ZSWIM5: variants seen among roughly 807,000 people sequenced by gnomAD.
ZSWIM5 encodes the protein zinc finger SWIM-type containing 5.
In ZSWIM5, 55 loss-of-function variants were observed where a neutral mutation model predicts 119.6. That is an observed-to-expected ratio of 0.46 (90% CI 0.37 to 0.58). The LOEUF is 0.58. ZSWIM5 is among the 20% of genes least tolerant of loss of function. ZSWIM5 has a pLI of 0.00. For synonymous variants in ZSWIM5, 537 were observed against 606.9 expected (o/e 0.88, Z 1.69); for missense variants, 1,193 against 1,512.8 (o/e 0.79, Z 3.51).
chr1:45,083,660 G>A (rs993824679), intron 2 of ZSWIM5, among the ~76,000 whole-genome samples: 20 of 152,116 alleles, frequency 1.3e-4, no homozygotes, highest in Non-Finnish European at 2.2e-4. Flanking sequence ...CCACCCACCT[G>A]GTCTCATTGC....
chr1:45,202,153 T>G (rs998342785), intron 1 of ZSWIM5, among the ~76,000 whole-genome samples: 1 of 152,114 alleles, frequency 6.6e-6, no homozygotes, highest in African/African-American at 2.4e-5. Context: ...TAAAGTTATT[T>G]TTCTCCACAT....
chr1:45,135,587 C>T (rs936670136), intron 1 of ZSWIM5, among the ~76,000 whole-genome samples: 3 of 152,158 alleles, frequency 2.0e-5, no homozygotes, highest in South Asian at 2.1e-4. Context: ...TATACTCTGA[C>T]ATTTCTTGAT....
chr1:45,201,201 G>A lies in ZSWIM5; in HGVS notation c.595+4555C>T, dbSNP rs559848488. Among the ~76,000 whole-genome samples the A allele has an allele frequency of 2.0e-5, 3 of 152,296 alleles. No individual in the cohort carries two copies. In the South Asian group the frequency reaches 6.2e-4, roughly 32 times the overall value. On this transcript the variant is annotated intron_variant, in intron 1 of 13. Coordinates refer to ENST00000359600, the MANE Select transcript of ZSWIM5 (RefSeq NM_020883.2). The stretch of plus-strand genomic sequence containing the variant: ...GCAAGAGGCAACAAAGGATTCCCCT[G>A]TAGGTTGCAGAAGGAGCATAGCACT...
intron 1 of ZSWIM5, among the ~76,000 whole-genome samples, chr1:45,163,243 C>A (rs1250755792): frequency 2.6e-5 from 4 of 152,176 alleles, no homozygotes; most frequent in Non-Finnish European, 1.5e-5. Flanking sequence ...CTCCAACAGA[C>A]CTGCAGCTGA....
intron 6 of ZSWIM5, among the ~76,000 whole-genome samples, chr1:45,042,951 A>G (rs1457672735): frequency 2.0e-5 from 3 of 152,208 alleles, no homozygotes; most frequent in Non-Finnish European, 4.4e-5. Context: ...TGCTTTGTTA[A>G]TGCTCTTTGA....
At chr1:45,032,533 CAGG>C (rs1644959289) in intron 11 of ZSWIM5, among the ~76,000 whole-genome samples, 1 of 148,010 alleles carries the variant, frequency 6.8e-6, no homozygotes, top group African/African-American at 2.5e-5. Flanking sequence ...GTCACCCAGG[CAGG>C]AGTTCAGTGG....
intron 11 of ZSWIM5, among the ~76,000 whole-genome samples, chr1:45,024,031 T>C (rs755576585): frequency 2.6e-5 from 4 of 152,190 alleles, no homozygotes; most frequent in Non-Finnish European, 4.4e-5. Context: ...TCTCTCCAGA[T>C]CTTTAGCCCA....
chr1:45,048,435 A>G (rs115219214), intron 5 of ZSWIM5, among the ~76,000 whole-genome samples: 1,977 of 152,260 alleles, frequency 0.013, 40 homozygotes, highest in African/African-American at 0.045. Context: ...CAGTGTATCA[A>G]AGACAAAGAG....
At chr1:45,132,858 T>C (rs1645666443) in intron 1 of ZSWIM5, among the ~76,000 whole-genome samples, 1 of 152,088 alleles carries the variant, frequency 6.6e-6, no homozygotes, top group Admixed American at 6.6e-5. Context: ...TGAGAACATG[T>C]GGTGTTTGGT....
Position 45,199,073 on chromosome 1 carries a change from C to T in ZSWIM5, c.595+6683G>A, listed in dbSNP as rs141801855. 8.8e-3 allele frequency among the ~76,000 whole-genome samples: 1,337 copies of T among 152,174 alleles called. 8 individuals are homozygous for T. Among genetic ancestry groups the T allele is most frequent in the Middle Eastern group, 0.024 (7 of 294 alleles). ...TTGCATTCATGCCATACATTACATA[C>T]CAGCAATGTATGAGAGTTCCAGTTA... On this transcript the variant is annotated intron_variant, in intron 1 of 13. Transcript: ENST00000359600.
chr1:45,063,056 A>C (rs1445167628), intron 2 of ZSWIM5, among the ~76,000 whole-genome samples: 1 of 152,130 alleles, frequency 6.6e-6, no homozygotes, highest in Non-Finnish European at 1.5e-5. Flanking sequence ...TCCCACTTAT[A>C]AGTGAGAACA....
At chr1:45,164,180 A>G (rs1302204433) in intron 1 of ZSWIM5, among the ~76,000 whole-genome samples, 1 of 152,206 alleles carries the variant, frequency 6.6e-6, no homozygotes, top group South Asian at 2.1e-4. Context: ...ATTCTTAAAG[A>G]AAAGAATTTT....
Position 45,019,919 on chromosome 1 carries a change from C to A in ZSWIM5, c.2695+147G>T, listed in dbSNP as rs1644876453. ...GCTGAACAGAGGCCACCTTCTCCTA[C>A]CAGCAGCCCCATCCTTTCTTAGGCC... On this transcript the variant is annotated intron_variant, in intron 13 of 13. Transcript: ENST00000359600. The surrounding 1 kb of genome is among the most constrained non-coding windows in gnomAD (Gnocchi z 5.0). 7.3e-6 allele frequency: 5 copies of A among 686,266 alleles called. No individual in the cohort carries two copies. In the Admixed American group the frequency reaches 1.1e-4, roughly 15 times the overall value. 42.5% of individuals were successfully genotyped at this position (686,266 alleles called of 1,614,324 possible). A position where few individuals can be genotyped will look rare whatever the true frequency, so the allele number is the denominator to read the frequency against.
chr1:45,194,624 TC>T (rs1166323865), intron 1 of ZSWIM5, among the ~76,000 whole-genome samples: 3 of 152,152 alleles, frequency 2.0e-5, no homozygotes, highest in Non-Finnish European at 4.4e-5. Flanking sequence ...ACACCTGTAA[TC>T]CCAGCACTTT....
At chr1:45,050,532 G>A (rs979399665) in intron 5 of ZSWIM5, among the ~76,000 whole-genome samples, 1 of 152,152 alleles carries the variant, frequency 6.6e-6, no homozygotes, top group African/African-American at 2.4e-5. Flanking sequence ...AGGCGAGTGG[G>A]CTCAAAGGGT....
intron 7 of ZSWIM5, 66 bp from the exon 8 acceptor site, chr1:45,039,139 GTCT>G: frequency 6.3e-7 from 1 of 1,577,262 alleles, no homozygotes. Context: ...CCCTGCCTGG[GTCT>G]TCTTATCAGT....
intron 11 of ZSWIM5, among the ~76,000 whole-genome samples, chr1:45,025,221 T>TG (rs1339361990): frequency 2.0e-5 from 3 of 152,340 alleles, no homozygotes; most frequent in African/African-American, 7.2e-5. Flanking sequence ...CACACTGTCT[T>TG]GATTAATATT....
chr1:45,091,477 C>T (rs2149013047), intron 1 of ZSWIM5, among the ~76,000 whole-genome samples: 1 of 134,376 alleles, frequency 7.4e-6, no homozygotes, highest in Non-Finnish European at 1.5e-5. Flanking sequence ...GGCAATATAG[C>T]AAGACCCTGT....
intron 1 of ZSWIM5, among the ~76,000 whole-genome samples, chr1:45,198,049 A>G (rs1262393155): frequency 1.3e-5 from 2 of 152,246 alleles, no homozygotes; most frequent in Non-Finnish European, 2.9e-5. Flanking sequence ...GAGGAAAAAC[A>G]TTCATCTTGT....
Sources: gnomAD v4.1 joint callset for allele counts (sites outside exome capture counted in the v4.1 genomes callset) on GRCh38, gnomAD v4.1.1 for gene constraint, Gnocchi (gnomAD v3.1) non-coding constraint, MANE v1.5 for transcripts, NCBI Gene and HGNC (gene_info 2026-07-23, HGNC 2026-07-21) for gene names.